The following METTL15 variants were observed in gnomAD, a reference collection of about 807,000 sequenced individuals.
The protein encoded by METTL15 is methyltransferase 15, mitochondrial 12S rRNA N4-cytidine.
In METTL15, 34 loss-of-function variants were observed where a neutral mutation model predicts 38.3. That is an observed-to-expected ratio of 0.89 (90% CI 0.68 to 1.18). METTL15 has a LOEUF of 1.18. Ranked by LOEUF, METTL15 falls within the 50% of genes most tolerant of loss-of-function variation. The pLI is 0.00. For missense variants in METTL15, 438 were observed against 498.4 expected (o/e 0.88, Z 1.15); for synonymous variants, 162 against 170.9 (o/e 0.95, Z 0.41).
At chr11:28,268,325 A>G (rs919100146) in intron 4 of METTL15, among the ~76,000 whole-genome samples, 18 of 151,930 alleles carry the variant, frequency 1.2e-4, no homozygotes, top group Non-Finnish European at 2.9e-5. Flanking sequence ...CTTAAATATA[A>G]TTACCTTTTT....
At chr11:28,308,432 G>C (rs1857154450) in intron 6 of METTL15, among the ~76,000 whole-genome samples, 1 of 151,902 alleles carries the variant, frequency 6.6e-6, no homozygotes, top group African/African-American at 2.4e-5. Flanking sequence ...GTAAGATACT[G>C]TACTGGTTCA....
intron 4 of METTL15, among the ~76,000 whole-genome samples, chr11:28,231,252 A>C (rs1324298726): frequency 6.6e-6 from 1 of 151,874 alleles, no homozygotes; most frequent in Non-Finnish European, 1.5e-5. Context: ...AAAACATTAA[A>C]TACCAAGGCA....
chr11:28,372,992 G>A (rs968883198), intron 5 of METTL15, among the ~76,000 whole-genome samples: 3 of 151,670 alleles, frequency 2.0e-5, no homozygotes, highest in Non-Finnish European at 2.9e-5. Context: ...GTGTATATGT[G>A]CCACATTTTC....
intron 3 of METTL15, among the ~76,000 whole-genome samples, chr11:28,157,897 C>T (rs1033386829): frequency 2.0e-5 from 3 of 152,130 alleles, no homozygotes; most frequent in Non-Finnish European, 4.4e-5. Context: ...TGCACAATAC[C>T]GAGGCACCAC....
intron 6 of METTL15, among the ~76,000 whole-genome samples, chr11:28,463,680 A>G (rs1234548465): frequency 6.6e-6 from 1 of 152,134 alleles, no homozygotes; most frequent in African/African-American, 2.4e-5. Flanking sequence ...ATACTGTATT[A>G]ACAAGCAATA....
At chr11:28,142,307 TTACTTTTC>T (rs1415092669) in intron 3 of METTL15, among the ~76,000 whole-genome samples, 2 of 152,150 alleles carry the variant, frequency 1.3e-5, no homozygotes, top group Non-Finnish European at 2.9e-5. Flanking sequence ...CACTTCAAAG[TTACTTTTC>T]TAGTAAGGCA....
intron 3 of METTL15, among the ~76,000 whole-genome samples, chr11:28,114,229 T>C (rs969417490): frequency 6.6e-6 from 1 of 152,212 alleles, no homozygotes; most frequent in Non-Finnish European, 1.5e-5. Context: ...AATGGATTCA[T>C]AGATATGTGG....
At chr11:28,164,685 T>C (rs1850593889) in intron 3 of METTL15, among the ~76,000 whole-genome samples, 1 of 152,058 alleles carries the variant, frequency 6.6e-6, no homozygotes, top group South Asian at 2.1e-4. Flanking sequence ...AATTAACTCT[T>C]TTAGCTATTC....
rs139592756 is a variant in METTL15, at chr11:28,186,442, G to C, written c.271-24620G>C. ...TTACAGCATTATTTATGATTTGTTT[G>C]GAGAGTTAATTTTATGACTTAGAAT... On this transcript the variant is annotated intron_variant, in intron 3 of 6. Transcript: ENST00000407364. Among the ~76,000 whole-genome samples, 55 of 151,094 alleles carry C rather than the reference G, an allele frequency of 3.6e-4. No individual in the cohort carries two copies. The East Asian group carries it at 0.01, about 28-fold the overall frequency.
chr11:28,123,775 G>T, intron 3 of METTL15: 1 of 920,112 alleles, frequency 1.1e-6, no homozygotes, highest in Non-Finnish European at 1.6e-6. Flanking sequence ...TTTGGCCTGT[G>T]TCATCTGTAA....
intron 3 of METTL15, among the ~76,000 whole-genome samples, chr11:28,178,743 A>T (rs943926790): frequency 5.9e-5 from 9 of 151,870 alleles, no homozygotes; most frequent in African/African-American, 2.2e-4. Context: ...TTGAATAAAA[A>T]CATTATTTAC....
At chr11:28,394,433 C>A (rs1590359410) in intron 5 of METTL15, among the ~76,000 whole-genome samples, 1 of 152,144 alleles carries the variant, frequency 6.6e-6, no homozygotes, top group East Asian at 1.9e-4. Flanking sequence ...GCCTAATTTT[C>A]TTTTCTGCCC....
chr11:28,217,927 T>G (rs1320638274), intron 4 of METTL15, among the ~76,000 whole-genome samples: 2 of 152,206 alleles, frequency 1.3e-5, no homozygotes, highest in Non-Finnish European at 2.9e-5. Context: ...TATCTCTGTT[T>G]TGGTACCAGT....
intron 4 of METTL15, among the ~76,000 whole-genome samples, chr11:28,239,124 C>T (rs1854171985): frequency 6.6e-6 from 1 of 152,156 alleles, no homozygotes; most frequent in African/African-American, 2.4e-5. Flanking sequence ...AAACTATCTA[C>T]ACATTGATGA....
At chr11:28,139,190 G>C (rs1353046967) in intron 3 of METTL15, among the ~76,000 whole-genome samples, 2 of 152,122 alleles carry the variant, frequency 1.3e-5, no homozygotes, top group Non-Finnish European at 2.9e-5. Context: ...TATATCTGAG[G>C]GGAGTGTCCT....
At chr11:28,530,625 A>C (rs1851839021), downstream of METTL15, among the ~76,000 whole-genome samples, 1 of 152,128 alleles carries the variant, frequency 6.6e-6, no homozygotes, top group South Asian at 2.1e-4. Context: ...TGAACATACC[A>C]TTCTAAAGAC....
chr11:28,160,057 T>C (rs1310267501), intron 3 of METTL15, among the ~76,000 whole-genome samples: 1 of 152,040 alleles, frequency 6.6e-6, no homozygotes, highest in Non-Finnish European at 1.5e-5. Flanking sequence ...GCTGCCAGCA[T>C]GGCTAGAATA....
intron 6 of METTL15, among the ~76,000 whole-genome samples, chr11:28,449,091 T>G (rs1851098175): frequency 6.6e-6 from 1 of 152,182 alleles, no homozygotes; most frequent in Non-Finnish European, 1.5e-5. Context: ...ATTTTCTTTC[T>G]TCTATGTGGT....
chr11:28,448,081 C>G (rs554411633), intron 6 of METTL15, among the ~76,000 whole-genome samples: 1 of 151,862 alleles, frequency 6.6e-6, no homozygotes, highest in Non-Finnish European at 1.5e-5. Context: ...TTGCAGCAGC[C>G]TCATAACTAC....
Sources: gnomAD v4.1 joint callset for allele counts (sites outside exome capture counted in the v4.1 genomes callset) on GRCh38, gnomAD v4.1.1 for gene constraint, MANE v1.5 for transcripts, NCBI Gene and HGNC (gene_info 2026-07-23, HGNC 2026-07-21) for gene names.